Variants in DNER observed in about 807,000 individuals in gnomAD.
The protein encoded by DNER is delta and Notch-like epidermal growth factor-related receptor.
A neutral mutation model predicts 78.2 loss-of-function variants in DNER; 33 were observed. The observed-to-expected ratio is 0.42, with a 90% CI of 0.32 to 0.56. The LOEUF is 0.56. DNER is among the 20% of genes least tolerant of loss of function. The probability of loss-of-function intolerance (pLI) is 0.11; values close to 1 mark genes in which losing one functional copy is unlikely to be tolerated. For synonymous variants in DNER, 417 were observed against 384.8 expected (o/e 1.08, Z -0.98); for missense variants, 918 against 975.3 (o/e 0.94, Z 0.78).
intron 12 of DNER, among the ~76,000 whole-genome samples, chr2:229,365,435 G>C (rs949011259): frequency 6.6e-6 from 1 of 152,108 alleles, no homozygotes; most frequent in Non-Finnish European, 1.5e-5. Flanking sequence ...AGAAAACCCA[G>C]GGATTTTTGT....
intron 10 of DNER, among the ~76,000 whole-genome samples, chr2:229,392,827 A>G (rs1693045123): frequency 6.6e-6 from 1 of 152,146 alleles, no homozygotes; most frequent in Non-Finnish European, 1.5e-5. Flanking sequence ...GACACAAAAA[A>G]AGTCCATTAC....
intron 4 of DNER, among the ~76,000 whole-genome samples, chr2:229,552,496 G>A (rs992309557): frequency 3.9e-5 from 6 of 152,280 alleles, no homozygotes; most frequent in African/African-American, 7.2e-5. Flanking sequence ...TAGTTTAATC[G>A]TGGAAATGGT....
intron 1 of DNER, among the ~76,000 whole-genome samples, chr2:229,691,152 A>C (rs2154217389): frequency 6.6e-6 from 1 of 152,268 alleles, no homozygotes; most frequent in Admixed American, 6.5e-5. Flanking sequence ...GCTTTTTCTC[A>C]AGGAGTATCT....
At chr2:229,373,701 A>C (rs910823020) in intron 11 of DNER, among the ~76,000 whole-genome samples, 1 of 152,222 alleles carries the variant, frequency 6.6e-6, no homozygotes, top group African/African-American at 2.4e-5. Context: ...CTGCCCATCA[A>C]AGATGGATTG....
At chr2:229,510,056 G>A (rs560821153) in intron 6 of DNER, among the ~76,000 whole-genome samples, 2 of 152,256 alleles carry the variant, frequency 1.3e-5, no homozygotes, top group East Asian at 3.9e-4. Flanking sequence ...AAAGGAGACA[G>A]GGAGGAAGTA....
At chr2:229,567,399 G>C (rs774532417) in intron 4 of DNER, among the ~76,000 whole-genome samples, 1 of 152,168 alleles carries the variant, frequency 6.6e-6, no homozygotes, top group Non-Finnish European at 1.5e-5. Context: ...AAGGGAAGGA[G>C]GAATATGTGA....
chr2:229,512,172 C>G (rs1487431848), intron 6 of DNER, among the ~76,000 whole-genome samples: 35 of 152,122 alleles, frequency 2.3e-4, no homozygotes, highest in Non-Finnish European at 8.8e-5. Context: ...CACCTGAGGT[C>G]AGAAGTTCAA....
chr2:229,478,910 A>C (rs1695093949), intron 6 of DNER, among the ~76,000 whole-genome samples: 1 of 152,006 alleles, frequency 6.6e-6, no homozygotes, highest in Admixed American at 6.6e-5. Flanking sequence ...TCAACCCATC[A>C]CCTAGGTATT....
chr2:229,388,382 T>C lies in DNER; in HGVS notation c.1738A>G (p.Ile580Val). Residue 580 changes from isoleucine (I) to valine (V), a missense_variant, in exon 11 of 13, where the codon ATT (isoleucine) becomes GTT (valine). Transcript: ENST00000341772. ...TTACTGTCACATTCATTTATGTCAA[T>C]GTCGCACTCTTCACCTAGGGAGATA... ...APGFTGEECD[I>V]DINECDSNPC... is the part of the protein sequence containing the mutation. 6.2e-7 allele frequency: 1 copy of C among 1,610,258 alleles called. No homozygotes were observed. The highest frequency in any genetic ancestry group is 8.5e-7 in the Non-Finnish European group (1 of 1,178,194).
intron 4 of DNER, among the ~76,000 whole-genome samples, chr2:229,581,757 T>C (rs1375981825): frequency 6.6e-6 from 1 of 152,212 alleles, no homozygotes; most frequent in Non-Finnish European, 1.5e-5. Context: ...CAATAAACTT[T>C]TAAAGAGTAT....
chr2:229,622,145 T>C (rs975582089), intron 1 of DNER, among the ~76,000 whole-genome samples: 2 of 152,170 alleles, frequency 1.3e-5, no homozygotes, highest in Non-Finnish European at 2.9e-5. Flanking sequence ...CTCCTCTCTA[T>C]ACCTGACCTC....
At chr2:229,644,123 A>G (rs1003092341) in intron 1 of DNER, among the ~76,000 whole-genome samples, 33 of 152,176 alleles carry the variant, frequency 2.2e-4, no homozygotes, top group Admixed American at 1.8e-3. Context: ...AATGTCATGG[A>G]TCACTACACT....
In DNER at chr2:229,591,573, T is replaced by C; in HGVS notation, c.585+7A>G. The C allele has an allele frequency of 6.2e-7, 1 of 1,612,396 alleles. No homozygotes were observed. The highest frequency in any genetic ancestry group is 8.5e-7 in the Non-Finnish European group (1 of 1,178,968). ...ATGTAAAAATGCACATGATATAACG[T>C]TCTCACCTCCACTTGATCCCATTTC... On this transcript the variant is annotated splice_region_variant and intron_variant, in intron 2 of 12. Transcript: ENST00000341772. This position sits in a 1 kb window ranked among gnomAD's most constrained non-coding sequence, Gnocchi z 4.6.
Position 229,478,425 on chromosome 2 carries a change from A to C in DNER, c.1148-1172T>G, listed in dbSNP as rs1025134509. On this transcript the variant is annotated intron_variant, in intron 6 of 12. Coordinates refer to ENST00000341772, the MANE Select transcript of DNER (RefSeq NM_139072.4). Reference sequence around the variant, plus strand: ...ATAGATTGTAAATTACAGATTGGGAATGTGGAGGCATTCATTTGCAATCCT... The same window carrying C: ...ATAGATTGTAAATTACAGATTGGGACTGTGGAGGCATTCATTTGCAATCCT... Among the ~76,000 whole-genome samples the C allele has an allele frequency of 3.3e-5, 5 of 152,214 alleles. No individual in the cohort carries two copies. In the South Asian group the frequency reaches 6.2e-4, roughly 19 times the overall value.
chr2:229,642,032 G>A (rs769529882), intron 1 of DNER, among the ~76,000 whole-genome samples: 25 of 152,206 alleles, frequency 1.6e-4, no homozygotes, highest in Non-Finnish European at 3.1e-4. Flanking sequence ...AAGAAGCAGC[G>A]AGAAATAGTG....
intron 7 of DNER, among the ~76,000 whole-genome samples, chr2:229,468,939 CAGATG>C (rs1445726578): frequency 6.6e-6 from 1 of 152,148 alleles, no homozygotes; most frequent in African/African-American, 2.4e-5. Flanking sequence ...TGGAAGTAAC[CAGATG>C]AGATGAGAGC....
intron 4 of DNER, among the ~76,000 whole-genome samples, chr2:229,559,369 A>G (rs1696913883): frequency 6.6e-6 from 1 of 152,206 alleles, no homozygotes; most frequent in East Asian, 1.9e-4. Flanking sequence ...GTCATGATAT[A>G]AACAGTTTGA....
chr2:229,555,532 C>T (rs1696840343), intron 4 of DNER, among the ~76,000 whole-genome samples: 2 of 152,198 alleles, frequency 1.3e-5, no homozygotes, highest in South Asian at 4.1e-4. Flanking sequence ...CATCTGTGCT[C>T]AGGCGTAAAA....
In DNER at chr2:229,608,218, G is replaced by A. The variant is rs1697977107; in HGVS notation, c.277-16330C>T. 2.0e-5 allele frequency among the ~76,000 whole-genome samples: 3 copies of A among 152,134 alleles called. No homozygotes were observed. The South Asian group carries it at 6.2e-4, about 31-fold the overall frequency. The stretch of plus-strand genomic sequence containing the variant: ...CGACCTCAAAACTTTTAAATCAGGA[G>A]TTGACAAATTACAGCTCACAGACCA... On this transcript the variant is annotated intron_variant, in intron 1 of 12. Coordinates refer to ENST00000341772, the MANE Select transcript of DNER (RefSeq NM_139072.4).
Sources: gnomAD v4.1 joint callset for allele counts (sites outside exome capture counted in the v4.1 genomes callset) on GRCh38, gnomAD v4.1.1 for gene constraint, Gnocchi (gnomAD v3.1) non-coding constraint, MANE v1.5 for transcripts, NCBI Gene and HGNC (gene_info 2026-07-23, HGNC 2026-07-21) for gene names.